Variants in NR2C2 observed in about 807,000 individuals in gnomAD.
The protein encoded by NR2C2 is Nuclear hormone receptor TR4.
Under a neutral mutation model 62.9 loss-of-function variants are expected in NR2C2, and 6 were observed. The ratio of observed to expected loss-of-function variants is 0.10; its 90% CI spans 0.05 to 0.19. The LOEUF is 0.19. NR2C2 is among the 10% of genes least tolerant of loss of function. The pLI, the probability that NR2C2 is intolerant of heterozygous loss-of-function variation, is 1.00. For synonymous variants in NR2C2, 272 were observed against 273.8 expected, an observed-to-expected ratio of 0.99 and a Z score of 0.07; for missense variants, 479 against 762.7, an observed-to-expected ratio of 0.63 and a Z score of 4.38.
intron 11 of NR2C2, 64 bp downstream of exon 11, chr3:15,034,873 C>T: frequency 6.8e-7 from 1 of 1,467,414 alleles, no homozygotes; most frequent in Non-Finnish European, 9.1e-7. Flanking sequence ...TGGAGCAGAG[C>T]CCAGCCCCCT....
rs536310865 is a variant in NR2C2 at position 14,954,878 on chromosome 3, C to T, written c.-40+6972C>T. On this transcript the variant is annotated intron_variant, in intron 1 of 13. Coordinates refer to ENST00000425241, the MANE Select transcript of NR2C2 (RefSeq NM_001291694.2). ...TGGAGTCTCCCTCTGCCGCCCAGGC[C>T]GGAGTGCAGTGGTACGATCTTGGTT... Among the ~76,000 whole-genome samples the T allele has an allele frequency of 3.3e-5, 5 of 152,180 alleles. No homozygotes were observed. The East Asian group carries it at 9.7e-4, about 29-fold the overall frequency.
chr3:15,044,221 G>A lies in NR2C2; in HGVS notation c.*1213G>A, dbSNP rs2042372043. 1.3e-5 allele frequency: 2 copies of A among 152,176 alleles called. No homozygotes were observed. Among genetic ancestry groups the A allele is most frequent in the Non-Finnish European group, 2.9e-5 (2 of 68,040 alleles). The allele number at this position is 152,176 out of a possible 1,614,324, so 9.4% of individuals were successfully genotyped here. A position where few individuals can be genotyped will look rare whatever the true frequency, so the allele number is the denominator to read the frequency against. On this transcript the variant is annotated 3_prime_UTR_variant, in exon 14 of 14. Coordinates refer to ENST00000425241, the MANE Select transcript of NR2C2 (RefSeq NM_001291694.2). ...GGTTTCAGGACAATTTCTTCCTGTTGACCTTAAATACCAGAGATTTTAAAA... is the reference window on the plus strand; with the variant it reads ...GGTTTCAGGACAATTTCTTCCTGTTAACCTTAAATACCAGAGATTTTAAAA...
chr3:14,951,770 G>A (rs1400174877), intron 1 of NR2C2, among the ~76,000 whole-genome samples: 1 of 150,308 alleles, frequency 6.7e-6, no homozygotes, highest in African/African-American at 2.5e-5. Context: ...TTTTGTTTTT[G>A]GGAGTCTCGC....
At chr3:15,023,705 C>T (rs1279357888) in intron 6 of NR2C2, among the ~76,000 whole-genome samples, 1 of 152,222 alleles carries the variant, frequency 6.6e-6, no homozygotes, top group African/African-American at 2.4e-5. Context: ...TTTGTATATT[C>T]TTTTTAATAT....
At chr3:15,022,713 T>G (rs2041708056) in intron 5 of NR2C2, among the ~76,000 whole-genome samples, 1 of 151,808 alleles carries the variant, frequency 6.6e-6, no homozygotes, top group Non-Finnish European at 1.5e-5. Flanking sequence ...CTTGAAAGAG[T>G]CTATTTTGTT....
chr3:15,036,396 A>G (rs2042104064), intron 11 of NR2C2, among the ~76,000 whole-genome samples: 1 of 152,182 alleles, frequency 6.6e-6, no homozygotes, highest in Admixed American at 6.5e-5. Context: ...CATGTGTAGC[A>G]TGTCTGCAAC....
rs55648322 is a variant in NR2C2, at chr3:15,020,499, G to T, written c.377-254G>T. Among the ~76,000 whole-genome samples the T allele has an allele frequency of 0.013, 1,932 of 152,322 alleles. 47 individuals carry two copies. The highest frequency in any genetic ancestry group is 0.044 in the African/African-American group (1,823 of 41,558). On this transcript the variant is annotated intron_variant, in intron 4 of 13. Coordinates refer to ENST00000425241, the MANE Select transcript of NR2C2 (RefSeq NM_001291694.2). The stretch of plus-strand genomic sequence containing the variant: ...TAAGAGCACTAAGGTCATGCCATCT[G>T]CCAGCTGTCATATAACCTGTCTGAG...
chr3:14,961,875 C>T (rs2039697059), intron 1 of NR2C2, among the ~76,000 whole-genome samples: 1 of 152,184 alleles, frequency 6.6e-6, no homozygotes, highest in East Asian at 1.9e-4. Context: ...GTAATGCAGT[C>T]TCTTCGCTTC....
chr3:14,969,120 A>G (rs1391561653), intron 1 of NR2C2, among the ~76,000 whole-genome samples: 5 of 151,984 alleles, frequency 3.3e-5, no homozygotes, highest in African/African-American at 1.2e-4. Context: ...CATGTACCCT[A>G]AAACTTAAAG....
At chr3:15,001,405 G>A (rs1253869312) in intron 1 of NR2C2, among the ~76,000 whole-genome samples, 1 of 146,178 alleles carries the variant, frequency 6.8e-6, no homozygotes, top group African/African-American at 2.6e-5. Flanking sequence ...CGTGATCTTG[G>A]CTCACTGCAA....
chr3:14,955,667 A>G (rs1171861417), intron 1 of NR2C2, among the ~76,000 whole-genome samples: 1 of 152,190 alleles, frequency 6.6e-6, no homozygotes, highest in East Asian at 1.9e-4. Context: ...TAAGGATTAA[A>G]TCATGCCTAG....
At chr3:14,991,356 G>A (rs1222471096) in intron 1 of NR2C2, among the ~76,000 whole-genome samples, 1 of 152,226 alleles carries the variant, frequency 6.6e-6, no homozygotes, top group East Asian at 1.9e-4. Flanking sequence ...GCTGATGCAA[G>A]TTGCTGCACA....
chr3:15,022,391 TTTC>T (rs1393380196), intron 5 of NR2C2, among the ~76,000 whole-genome samples: 1 of 135,046 alleles, frequency 7.4e-6, no homozygotes, highest in African/African-American at 2.7e-5. Context: ...CTTTTTTCTT[TTTC>T]TTTCTTTTTT....
rs558701444 is a variant in NR2C2, at chr3:15,043,983, A to G, written c.*975A>G. 100 of 152,292 alleles carry G rather than the reference A, an allele frequency of 6.6e-4. No homozygotes were observed. Among genetic ancestry groups the G allele is most frequent in the African/African-American group, 2.2e-3 (93 of 41,558 alleles). 9.4% of individuals were successfully genotyped at this position (152,292 alleles called of 1,614,324 possible). A position where few individuals can be genotyped will look rare whatever the true frequency, so the allele number is the denominator to read the frequency against. Reference sequence around the variant, plus strand: ...TTTTGAGCTCTTGACAGTACTTCCAATACAATTGGGGGTGCTTGTGTGTTT... The same window carrying G: ...TTTTGAGCTCTTGACAGTACTTCCAGTACAATTGGGGGTGCTTGTGTGTTT... On this transcript the variant is annotated 3_prime_UTR_variant, in exon 14 of 14. Coordinates refer to ENST00000425241, the MANE Select transcript of NR2C2 (RefSeq NM_001291694.2).
At chr3:14,962,822 G>A (rs562872443) in intron 1 of NR2C2, among the ~76,000 whole-genome samples, 89 of 152,094 alleles carry the variant, frequency 5.9e-4, no homozygotes, top group African/African-American at 1.9e-3. Flanking sequence ...TTGATTCTTC[G>A]TTAATATTAT....
At chr3:15,020,619 C>T (rs997134155) in intron 4 of NR2C2, 134 bp from the exon 5 acceptor site, 48 of 880,042 alleles carry the variant, frequency 5.5e-5, no homozygotes, top group Non-Finnish European at 8.1e-5. Flanking sequence ...GCTCAGGCCA[C>T]GTGGCTGTTG....
chr3:14,979,629 C>T (rs529427707), intron 1 of NR2C2, among the ~76,000 whole-genome samples: 2 of 152,028 alleles, frequency 1.3e-5, no homozygotes, highest in African/African-American at 4.8e-5. Flanking sequence ...GCGTGAGTGT[C>T]TGGGGGTTGG....
chr3:14,966,911 T>G (rs2039872941), intron 1 of NR2C2, among the ~76,000 whole-genome samples: 1 of 152,228 alleles, frequency 6.6e-6, no homozygotes. Context: ...CCTCTCTGTT[T>G]TTTGAAATTG....
In NR2C2 at chr3:15,003,905, A is replaced by G. The variant is rs775654644; in HGVS notation, c.-10A>G. The G allele has an allele frequency of 1.4e-5, 23 of 1,613,728 alleles. No homozygotes were observed. In the East Asian group the frequency reaches 5.1e-4, roughly 36 times the overall value. ...CACGTACACAGACCTCTCGGCCGGA[A>G]TCTCCAGGGATGACCAGCCCCTCCC... On this transcript the variant is annotated 5_prime_UTR_variant, in exon 2 of 14. Coordinates refer to ENST00000425241, the MANE Select transcript of NR2C2 (RefSeq NM_001291694.2).
Sources: gnomAD v4.1 joint callset for allele counts (sites outside exome capture counted in the v4.1 genomes callset) on GRCh38, gnomAD v4.1.1 for gene constraint, MANE v1.5 for transcripts, NCBI Gene and HGNC (gene_info 2026-07-23, HGNC 2026-07-21) for gene names.